The following MYO3B variants were observed in gnomAD, a reference collection of about 807,000 sequenced individuals.
MYO3B encodes the protein myosin IIIB, also known as myosin-IIIb.
In MYO3B, 156 loss-of-function variants were observed where a neutral mutation model predicts 174.6. That is an observed-to-expected ratio of 0.89 (90% CI 0.78 to 1.02). The LOEUF (loss-of-function observed/expected upper bound fraction) is 1.02, where lower values mean the gene tolerates loss of function less well. Among genes scored for constraint, MYO3B ranks in the 50% least tolerant of loss-of-function variants. MYO3B has a pLI of 0.00. For synonymous variants in MYO3B, 563 were observed against 569.1 expected, an observed-to-expected ratio of 0.99 and a Z score of 0.15; for missense variants, 1,632 against 1,639.4, an observed-to-expected ratio of 1.00 and a Z score of 0.08.
At chr2:170,390,512 G>T (rs1172102033) in intron 14 of MYO3B, among the ~76,000 whole-genome samples, 1 of 152,218 alleles carries the variant, frequency 6.6e-6, no homozygotes, top group African/African-American at 2.4e-5. Flanking sequence ...GATAAAGAAT[G>T]TCACAGAAGG....
At chr2:170,221,850 G>T (rs1464316509) in intron 6 of MYO3B, among the ~76,000 whole-genome samples, 1 of 152,114 alleles carries the variant, frequency 6.6e-6, no homozygotes, top group Non-Finnish European at 1.5e-5. Flanking sequence ...TACAGGGCAT[G>T]CCCCAACATG....
intron 32 of MYO3B, among the ~76,000 whole-genome samples, chr2:170,651,126 C>G (rs1698979894): frequency 2.6e-5 from 4 of 152,232 alleles, no homozygotes; most frequent in Admixed American, 2.6e-4. Flanking sequence ...TGGTATTGTT[C>G]AAAGCATTTC....
chr2:170,256,245 T>G (rs1026036658), intron 7 of MYO3B, among the ~76,000 whole-genome samples: 1 of 152,168 alleles, frequency 6.6e-6, no homozygotes, highest in Middle Eastern at 3.2e-3. Flanking sequence ...TTCCCCAATT[T>G]CACAAGAAAG....
intron 8 of MYO3B, among the ~76,000 whole-genome samples, chr2:170,357,639 T>A (rs2094132415): frequency 2.6e-5 from 4 of 152,074 alleles, no homozygotes; most frequent in Admixed American, 2.6e-4. Context: ...TTTTAAGGTG[T>A]CTTAAGTTAT....
chr2:170,429,590 A>G (rs2105880042), intron 22 of MYO3B, among the ~76,000 whole-genome samples: 1 of 152,308 alleles, frequency 6.6e-6, no homozygotes, highest in African/African-American at 2.4e-5. Flanking sequence ...GCTATTATTA[A>G]ATGTCTAATT....
At chr2:170,636,440 C>T (rs1018608561) in intron 32 of MYO3B, among the ~76,000 whole-genome samples, 4 of 150,686 alleles carry the variant, frequency 2.7e-5, no homozygotes, top group Non-Finnish European at 4.4e-5. Context: ...AGCCTCTTTC[C>T]TTCCAGATGG....
chr2:170,571,858 C>T (rs1261530833), intron 32 of MYO3B, among the ~76,000 whole-genome samples: 1 of 152,074 alleles, frequency 6.6e-6, no homozygotes, highest in African/African-American at 2.4e-5. Context: ...AAAAGTGATG[C>T]CTTTTCAACA....
chr2:170,647,772 T>C (rs546766065), intron 32 of MYO3B, among the ~76,000 whole-genome samples: 15 of 152,174 alleles, frequency 9.9e-5, no homozygotes, highest in African/African-American at 3.6e-4. Context: ...TAAAAGCCAA[T>C]GAAACAGCAA....
chr2:170,446,158 G>A (rs2094840905), intron 23 of MYO3B, among the ~76,000 whole-genome samples: 1 of 152,214 alleles, frequency 6.6e-6, no homozygotes, highest in Non-Finnish European at 1.5e-5. Context: ...TGAAAGCATT[G>A]CAGATATTGA....
Position 170,654,735 on chromosome 2 carries a change from A to T in MYO3B, c.*1614A>T, listed in dbSNP as rs1004278825. ...AAATAACCTTGAAGAAAATCTTGTT[A>T]TCAGAGTTTTGAAAGGGAGCACATT... On this transcript the variant is annotated 3_prime_UTR_variant, in exon 35 of 35. Coordinates refer to ENST00000408978, the MANE Select transcript of MYO3B (RefSeq NM_138995.5). 2 of 151,204 alleles carry T rather than the reference A, an allele frequency of 1.3e-5. No individual in the cohort carries two copies. Among genetic ancestry groups the T allele is most frequent in the Non-Finnish European group, 3.0e-5 (2 of 67,764 alleles). The allele number at this position is 151,204 out of a possible 1,614,324, so 9.4% of individuals were successfully genotyped here.
intron 7 of MYO3B, among the ~76,000 whole-genome samples, chr2:170,273,188 A>G (rs954173018): frequency 1.3e-5 from 2 of 152,278 alleles, no homozygotes; most frequent in East Asian, 1.9e-4. Context: ...TGAGCAATCT[A>G]TAGTCTGGCC....
At chr2:170,228,759 G>A (rs1044413531) in intron 6 of MYO3B, among the ~76,000 whole-genome samples, 2 of 151,536 alleles carry the variant, frequency 1.3e-5, no homozygotes, top group Non-Finnish European at 2.9e-5. Context: ...TACAATCCTG[G>A]GAAAAAAGAG....
chr2:170,308,492 A>G (rs182063093), intron 7 of MYO3B, among the ~76,000 whole-genome samples: 10 of 152,274 alleles, frequency 6.6e-5, no homozygotes, highest in African/African-American at 2.2e-4. Flanking sequence ...CACTGATCCC[A>G]TAACAATTTT....
At chr2:170,496,040 G>C (rs16858511) in intron 25 of MYO3B, among the ~76,000 whole-genome samples, 3 of 152,086 alleles carry the variant, frequency 2.0e-5, no homozygotes, top group Admixed American at 6.6e-5. Flanking sequence ...ACTTAGCTCC[G>C]GAAGATATCT....
intron 22 of MYO3B, among the ~76,000 whole-genome samples, chr2:170,439,838 G>A (rs1024609022): frequency 7.9e-5 from 12 of 151,982 alleles, no homozygotes; most frequent in East Asian, 1.9e-4. Flanking sequence ...CCACCACCAC[G>A]CCCGGCTAAT....
At chr2:170,382,980 A>G (rs1301804227) in intron 10 of MYO3B, 93 bp from the exon 11 acceptor site, 4 of 783,212 alleles carry the variant, frequency 5.1e-6, no homozygotes, top group Non-Finnish European at 8.7e-6. Context: ...TTAGAGAAAG[A>G]TGTTCTTGGA....
intron 7 of MYO3B, among the ~76,000 whole-genome samples, chr2:170,290,373 T>C (rs753699074): frequency 3.3e-5 from 5 of 152,218 alleles, no homozygotes; most frequent in Admixed American, 6.5e-5. Context: ...GTTGGGTGCA[T>C]ATATACTTAC....
intron 7 of MYO3B, among the ~76,000 whole-genome samples, chr2:170,261,888 G>A (rs2105351345): frequency 6.6e-6 from 1 of 152,228 alleles, no homozygotes; most frequent in Non-Finnish European, 1.5e-5. Context: ...ATATAGGATA[G>A]CATCAATAGA....
intron 8 of MYO3B, among the ~76,000 whole-genome samples, chr2:170,358,200 C>T (rs1473806154): frequency 2.0e-5 from 3 of 151,436 alleles, no homozygotes; most frequent in African/African-American, 4.8e-5. Context: ...AAGTGTCTAT[C>T]AACTGATAGA....
Sources: gnomAD v4.1 joint callset for allele counts (sites outside exome capture counted in the v4.1 genomes callset) on GRCh38, gnomAD v4.1.1 for gene constraint, MANE v1.5 for transcripts, NCBI Gene and HGNC (gene_info 2026-07-23, HGNC 2026-07-21) for gene names.